The following PIK3CB variants were observed in gnomAD, a reference collection of about 807,000 sequenced individuals.
PIK3CB encodes the protein phosphatidylinositol 4,5-bisphosphate 3-kinase catalytic subunit beta isoform.
A neutral mutation model predicts 136.8 loss-of-function variants in PIK3CB; 39 were observed. That is an observed-to-expected ratio of 0.29 (90% CI 0.22 to 0.37). The LOEUF is 0.37. Among genes scored for constraint, PIK3CB ranks in the 10% least tolerant of loss-of-function variants. The pLI, the probability that PIK3CB is intolerant of heterozygous loss-of-function variation, is 1.00. For missense variants in PIK3CB, 868 were observed against 1,275.4 expected (o/e 0.68, Z 4.87); for synonymous variants, 428 against 436.6 (o/e 0.98, Z 0.25).
At chr3:138,799,105 C>T (rs1447935133) in intron 1 of PIK3CB, among the ~76,000 whole-genome samples, 2 of 151,814 alleles carry the variant, frequency 1.3e-5, no homozygotes, top group Non-Finnish European at 2.9e-5. Context: ...GCCTATAATC[C>T]CAGCTACTCG....
intron 4 of PIK3CB, 152 bp downstream of exon 4, chr3:138,755,602 A>G (rs1481079942): frequency 2.0e-6 from 1 of 498,176 alleles, no homozygotes; most frequent in Admixed American, 3.6e-5. Context: ...CTCAATTTCT[A>G]TACTTACCTT....
At chr3:138,759,957 T>C (rs1213491404) in intron 2 of PIK3CB, among the ~76,000 whole-genome samples, 1 of 152,008 alleles carries the variant, frequency 6.6e-6, no homozygotes, top group East Asian at 1.9e-4. Context: ...AGTCTCTCTC[T>C]GTTGCCTAGG....
chr3:138,727,342 G>A (rs1352899764), intron 8 of PIK3CB, among the ~76,000 whole-genome samples: 1 of 152,230 alleles, frequency 6.6e-6, no homozygotes, highest in Non-Finnish European at 1.5e-5. Flanking sequence ...CAGTGAGACT[G>A]ACTTATTTGT....
intron 4 of PIK3CB, among the ~76,000 whole-genome samples, chr3:138,745,299 G>A (rs946661088): frequency 6.6e-6 from 1 of 151,948 alleles, no homozygotes; most frequent in Non-Finnish European, 1.5e-5. Flanking sequence ...GTGGCCACGG[G>A]CATCATCCAA....
intron 1 of PIK3CB, among the ~76,000 whole-genome samples, chr3:138,832,660 C>T (rs927210701): frequency 2.6e-5 from 4 of 151,876 alleles, no homozygotes; most frequent in Non-Finnish European, 5.9e-5. Context: ...AACCCCGTCT[C>T]TACCAAAAAA....
rs1312893752 is a variant in PIK3CB, at chr3:138,705,155, C to CAAAAAAAAAAAAA, written c.1531-675_1531-663dup. On this transcript the variant is annotated intron_variant, in intron 11 of 23. Transcript: ENST00000674063. ...AAGACTCTCCAAGAGATTAGAAAGGCAAAAAAAAAAAAAAAAAACAAAAAA... is the reference window on the plus strand; with the variant it reads ...AAGACTCTCCAAGAGATTAGAAAGGCAAAAAAAAAAAAAAAAAAAAAAAAAAAAAAACAAAAAA... 3.5e-3 allele frequency among the ~76,000 whole-genome samples: 104 copies of CAAAAAAAAAAAAA among 29,788 alleles called. 23 individuals are homozygous for CAAAAAAAAAAAAA. The highest frequency in any genetic ancestry group is 0.017 in the East Asian group (4 of 232). 19.5% of individuals were successfully genotyped at this position (29,788 alleles called of 152,430 possible).
At chr3:138,701,475 G>A (rs994093199) in intron 12 of PIK3CB, among the ~76,000 whole-genome samples, 1 of 152,054 alleles carries the variant, frequency 6.6e-6, no homozygotes, top group Non-Finnish European at 1.5e-5. Flanking sequence ...AGGAAATACT[G>A]AAGAATTAAG....
intron 19 of PIK3CB, among the ~76,000 whole-genome samples, chr3:138,681,510 T>C (rs1025379901): frequency 1.3e-5 from 2 of 152,160 alleles, no homozygotes; most frequent in Non-Finnish European, 2.9e-5. Context: ...ACCACAAACC[T>C]CTTCCGCTCA....
At chr3:138,775,791 T>G (rs905686476) in intron 2 of PIK3CB, among the ~76,000 whole-genome samples, 1 of 152,192 alleles carries the variant, frequency 6.6e-6, no homozygotes, top group Non-Finnish European at 1.5e-5. Context: ...CTGTTATGCA[T>G]TAACAGGACA....
intron 1 of PIK3CB, among the ~76,000 whole-genome samples, chr3:138,813,457 A>T (rs1671590796): frequency 1.5e-5 from 2 of 136,846 alleles, no homozygotes; most frequent in African/African-American, 5.6e-5. Context: ...TTTGAGACAG[A>T]GTCTTGCTCT....
At chr3:138,739,285 A>G (rs751325928) in intron 5 of PIK3CB, among the ~76,000 whole-genome samples, 6 of 151,948 alleles carry the variant, frequency 3.9e-5, no homozygotes, top group Non-Finnish European at 7.4e-5. Context: ...CTCTACTAAA[A>G]ATACAAAAAT....
chr3:138,790,863 T>G (rs2087018239), intron 2 of PIK3CB, among the ~76,000 whole-genome samples: 1 of 150,026 alleles, frequency 6.7e-6, no homozygotes, highest in Non-Finnish European at 1.5e-5. Context: ...CTCAGGAGGC[T>G]GAGGCAGGAG....
intron 1 of PIK3CB, among the ~76,000 whole-genome samples, chr3:138,833,774 T>C (rs1934150000): frequency 6.6e-6 from 1 of 152,194 alleles, no homozygotes; most frequent in Admixed American, 6.6e-5. Context: ...CAAGTGTCAC[T>C]TGAGATGAAA....
intron 1 of PIK3CB, among the ~76,000 whole-genome samples, chr3:138,801,288 T>C (rs1011019539): frequency 2.6e-5 from 4 of 152,210 alleles, no homozygotes; most frequent in Admixed American, 1.3e-4. Context: ...AGTTGTACCA[T>C]AGCAATTTGT....
chr3:138,691,761 C>G (rs2044013664), intron 14 of PIK3CB, among the ~76,000 whole-genome samples: 1 of 145,892 alleles, frequency 6.9e-6, no homozygotes, highest in Admixed American at 7.3e-5. Context: ...TGGACTACTA[C>G]AGATTGTTAA....
chr3:138,791,039 A>G (rs2046042447), intron 2 of PIK3CB, among the ~76,000 whole-genome samples: 1 of 152,028 alleles, frequency 6.6e-6, no homozygotes, highest in African/African-American at 2.4e-5. Flanking sequence ...TGTGCCTCCA[A>G]CTCACCTTTT....
chr3:138,675,221 A>T (rs951564412), intron 19 of PIK3CB, among the ~76,000 whole-genome samples: 1 of 152,214 alleles, frequency 6.6e-6, no homozygotes, highest in African/African-American at 2.4e-5. Context: ...AGATATGAGC[A>T]TAATAAAAAA....
At chr3:138,821,083 G>A (rs917609521) in intron 1 of PIK3CB, among the ~76,000 whole-genome samples, 2 of 145,908 alleles carry the variant, frequency 1.4e-5, no homozygotes, top group South Asian at 2.3e-4. Flanking sequence ...TCAGGAAATC[G>A]AGACCATCTT....
At chr3:138,772,282 A>G (rs2045808940) in intron 2 of PIK3CB, among the ~76,000 whole-genome samples, 1 of 152,184 alleles carries the variant, frequency 6.6e-6, no homozygotes, top group Non-Finnish European at 1.5e-5. Context: ...ACACTCATAC[A>G]GTTCAAAAGT....
Sources: gnomAD v4.1 joint callset for allele counts (sites outside exome capture counted in the v4.1 genomes callset) on GRCh38, gnomAD v4.1.1 for gene constraint, MANE v1.5 for transcripts, NCBI Gene and HGNC (gene_info 2026-07-23, HGNC 2026-07-21) for gene names.